The following ABTB3 variants were observed in gnomAD, a reference collection of about 807,000 sequenced individuals.
ABTB3 encodes the protein ankyrin repeat and BTB domain containing 3.
the ABTB3 span, among the ~76,000 whole-genome samples, chr12:107,501,651 G>A: frequency 2.6e-5 from 4 of 152,210 alleles, no homozygotes; most frequent in East Asian, 7.7e-4. Flanking sequence ...AGTGAGCTGA[G>A]ATCACGTCAC....
chr12:107,551,347 AT>A, the ABTB3 span, among the ~76,000 whole-genome samples: 18 of 152,336 alleles, frequency 1.2e-4, no homozygotes, highest in African/African-American at 4.1e-4. Flanking sequence ...AGAAAAAAAA[AT>A]ACATGTTGAA....
chr12:107,514,925 G>A, the ABTB3 span, among the ~76,000 whole-genome samples: 9,517 of 152,200 alleles, frequency 0.063, 643 homozygotes, highest in East Asian at 0.25. Flanking sequence ...GTTAGTGCAC[G>A]TTAACTGACT....
the ABTB3 span, among the ~76,000 whole-genome samples, chr12:107,656,715 G>A: frequency 1.6e-4 from 25 of 152,310 alleles, no homozygotes; most frequent in Admixed American, 1.4e-3. Flanking sequence ...AACTTGTGCC[G>A]AATGACACTA....
chr12:107,478,090 C>T, the ABTB3 span, among the ~76,000 whole-genome samples: 4 of 152,136 alleles, frequency 2.6e-5, no homozygotes, highest in African/African-American at 7.2e-5. Context: ...GTCCACTGAG[C>T]GAATATTCAG....
At chr12:107,624,673 T>C in the ABTB3 span, among the ~76,000 whole-genome samples, 1 of 152,214 alleles carries the variant, frequency 6.6e-6, no homozygotes, top group Non-Finnish European at 1.5e-5. Context: ...GCTTGTTCCT[T>C]TTCATTGCTG....
the ABTB3 span, among the ~76,000 whole-genome samples, chr12:107,492,139 T>C: frequency 6.6e-6 from 1 of 152,170 alleles, no homozygotes; most frequent in African/African-American, 2.4e-5. Context: ...TCGCTTCCTC[T>C]GAGGAGACTT....
At chr12:107,319,732 TG>T in the ABTB3 span, 3 of 1,529,194 alleles carry the variant, frequency 2.0e-6, no homozygotes, top group Non-Finnish European at 2.6e-6. Context: ...GCAGTGGCCC[TG>T]GGTCAGGCTC....
At chr12:107,539,893 C>T in the ABTB3 span, among the ~76,000 whole-genome samples, 5 of 152,332 alleles carry the variant, frequency 3.3e-5, no homozygotes, top group East Asian at 1.9e-4. Context: ...TAGTTCCCCA[C>T]GTTTTCCATC....
At chr12:107,433,028 G>A in the ABTB3 span, among the ~76,000 whole-genome samples, 3 of 152,098 alleles carry the variant, frequency 2.0e-5, no homozygotes, top group African/African-American at 7.2e-5. Context: ...GCTCACGCCT[G>A]TAATCCCAGC....
chr12:107,605,288 G>A, the ABTB3 span, among the ~76,000 whole-genome samples: 5 of 152,216 alleles, frequency 3.3e-5, no homozygotes, highest in South Asian at 2.1e-4. Flanking sequence ...CCTGCCCCTC[G>A]GAGGCTGGCA....
At chr12:107,535,100 G>C in the ABTB3 span, among the ~76,000 whole-genome samples, 1 of 152,054 alleles carries the variant, frequency 6.6e-6, no homozygotes, top group African/African-American at 2.4e-5. Context: ...ATCGTAATCT[G>C]GTTGGATTAA....
the ABTB3 span, among the ~76,000 whole-genome samples, chr12:107,332,775 A>G: frequency 2.0e-5 from 3 of 152,182 alleles, no homozygotes; most frequent in Non-Finnish European, 2.9e-5. Flanking sequence ...AGGCCATGCC[A>G]TGCGATGTTG....
At chr12:107,635,444 G>T in the ABTB3 span, 4 of 1,545,016 alleles carry the variant, frequency 2.6e-6, no homozygotes, top group East Asian at 9.0e-5. Context: ...TTAAGGACGA[G>T]GAGCCAAAGA....
chr12:107,568,345 C>T, the ABTB3 span, among the ~76,000 whole-genome samples: 26 of 152,102 alleles, frequency 1.7e-4, no homozygotes, highest in African/African-American at 4.8e-4. Context: ...AAGGTGATGA[C>T]GATGTGTGTA....
the ABTB3 span, among the ~76,000 whole-genome samples, chr12:107,326,113 C>T: frequency 7.9e-5 from 12 of 152,190 alleles, no homozygotes; most frequent in Non-Finnish European, 1.6e-4. Flanking sequence ...CCATGCTGGC[C>T]AGGCTGGTTT....
At chr12:107,653,470 T>C in the ABTB3 span, among the ~76,000 whole-genome samples, 5 of 149,708 alleles carry the variant, frequency 3.3e-5, no homozygotes, top group Admixed American at 2.0e-4. Context: ...TGAGTGGAGA[T>C]CGCGCCACTG....
chr12:107,318,854 G>A, the ABTB3 span: 1 of 1,438,754 alleles, frequency 7.0e-7, no homozygotes, highest in Non-Finnish European at 9.3e-7. Context: ...CGCGGACTCG[G>A]CTCTCCCCGC....
chr12:107,580,859 A>G, the ABTB3 span: 24 of 1,547,302 alleles, frequency 1.6e-5, no homozygotes, highest in Non-Finnish European at 2.1e-5. Flanking sequence ...ATATTCCCAG[A>G]TCAGTTACCT....
chr12:107,537,349 A>G, the ABTB3 span, among the ~76,000 whole-genome samples: 2 of 152,174 alleles, frequency 1.3e-5, no homozygotes, highest in Non-Finnish European at 2.9e-5. Context: ...ACAATAATGT[A>G]TAAGTTCAGA....
Sources: gnomAD v4.1 joint callset for allele counts (sites outside exome capture counted in the v4.1 genomes callset) on GRCh38, gnomAD v4.1.1 for gene constraint, MANE v1.5 for transcripts, NCBI Gene and HGNC (gene_info 2026-07-23, HGNC 2026-07-21) for gene names.